TSGA10: variants seen among roughly 807,000 people sequenced by gnomAD.
TSGA10 encodes testis specific 10.
TSGA10 carries 43 observed loss-of-function variants against 96.6 expected under a neutral mutation model. The ratio of observed to expected loss-of-function variants is 0.44; its 90% CI spans 0.35 to 0.57. TSGA10 has a LOEUF of 0.57. TSGA10 is among the 20% of genes least tolerant of loss of function. The pLI is 0.01. For synonymous variants in TSGA10, 229 were observed against 269.9 expected, an observed-to-expected ratio of 0.85 and a Z score of 1.48; for missense variants, 703 against 834.4, an observed-to-expected ratio of 0.84 and a Z score of 1.94.
chr2:99,049,030 A>C (rs1005126607), intron 16 of TSGA10, among the ~76,000 whole-genome samples: 2 of 152,240 alleles, frequency 1.3e-5, no homozygotes, highest in Non-Finnish European at 2.9e-5. Context: ...TCACGATGAG[A>C]TACCCTCTCA....
intron 1 of TSGA10, among the ~76,000 whole-genome samples, chr2:99,129,532 T>C (rs1261753405): frequency 1.3e-5 from 2 of 152,208 alleles, no homozygotes; most frequent in Non-Finnish European, 2.9e-5. Flanking sequence ...TAACCAATCA[T>C]GCTGGAGTTG....
chr2:99,021,687 C>A (rs2080019905), intron 17 of TSGA10, among the ~76,000 whole-genome samples: 1 of 152,174 alleles, frequency 6.6e-6, no homozygotes, highest in Admixed American at 6.5e-5. Flanking sequence ...TCAACGCCAC[C>A]AGCATTCCCC....
At chr2:99,043,809 C>T (rs1322699843) in intron 16 of TSGA10, among the ~76,000 whole-genome samples, 1 of 152,148 alleles carries the variant, frequency 6.6e-6, no homozygotes. Flanking sequence ...AGGAGAACTA[C>T]CTTTCAGAAT....
chr2:99,099,622 G>T (rs2090471549), intron 10 of TSGA10, among the ~76,000 whole-genome samples: 1 of 151,864 alleles, frequency 6.6e-6, no homozygotes, highest in South Asian at 2.1e-4. Flanking sequence ...TAGTATCTGG[G>T]CAAAATAAAA....
At chr2:99,086,720 C>T (rs1394742152) in intron 10 of TSGA10, among the ~76,000 whole-genome samples, 2 of 152,044 alleles carry the variant, frequency 1.3e-5, no homozygotes, top group East Asian at 1.9e-4. Context: ...GAACACTGTA[C>T]CAGAGGTTCT....
At chr2:99,118,261 G>A (rs1187100702) in intron 3 of TSGA10, among the ~76,000 whole-genome samples, 3 of 151,496 alleles carry the variant, frequency 2.0e-5, no homozygotes, top group Admixed American at 2.0e-4. Context: ...GACCAGCCTC[G>A]CCAACATGGT....
intron 1 of TSGA10, among the ~76,000 whole-genome samples, chr2:99,129,837 T>C (rs897776191): frequency 6.6e-6 from 1 of 152,196 alleles, no homozygotes; most frequent in Non-Finnish European, 1.5e-5. Flanking sequence ...CCTCCCTGTG[T>C]CCATGAGTTC....
chr2:99,105,648 T>C lies in TSGA10; in HGVS notation c.260A>G (p.Lys87Arg), dbSNP rs764315465. The C allele has an allele frequency of 1.3e-6, 2 of 1,597,624 alleles. No homozygotes were observed. Among genetic ancestry groups the C allele is most frequent in the East Asian group, 4.5e-5 (2 of 44,336 alleles). The stretch of plus-strand genomic sequence containing the variant: ...ATGTGCCGTTGTTGATTTAGGACTC[T>C]TACAGCTTTTCATCATTTCTCGTCG... ...RLRREMMKSC[K>R]SPKSTTAHAI... Residue 87 changes from lysine (K) to arginine (R), a missense_variant, in exon 8 of 21, where the codon AAG (lysine) becomes AGG (arginine). Around this residue, in one of 3 missense-constraint regions of TSGA10, gnomAD observed 585 missense variants for 656.8 expected, o/e 0.89. Coordinates refer to ENST00000393483, the MANE Select transcript of TSGA10 (RefSeq NM_025244.4).
At chr2:99,024,977 T>C (rs972113723) in intron 17 of TSGA10, among the ~76,000 whole-genome samples, 30 of 152,250 alleles carry the variant, frequency 2.0e-4, no homozygotes, top group African/African-American at 7.0e-4. Context: ...CCAGCATTCA[T>C]GGAATAAACC....
chr2:99,054,237 T>C (rs914771917), intron 16 of TSGA10, among the ~76,000 whole-genome samples: 1 of 152,130 alleles, frequency 6.6e-6, no homozygotes, highest in Non-Finnish European at 1.5e-5. Context: ...TTACAGTCAA[T>C]TGACCTTTGA....
chr2:99,086,916 A>T (rs1423110634), intron 10 of TSGA10, among the ~76,000 whole-genome samples: 1 of 151,812 alleles, frequency 6.6e-6, no homozygotes, highest in African/African-American at 2.4e-5. Context: ...AAAAAAAAAA[A>T]TTTGGGGGCC....
At chr2:99,030,619 C>G (rs1468233736) in intron 17 of TSGA10, among the ~76,000 whole-genome samples, 3 of 152,146 alleles carry the variant, frequency 2.0e-5, no homozygotes, top group African/African-American at 7.2e-5. Context: ...TGCACTCCAG[C>G]CTGGGTGACA....
At chr2:99,068,850 CTAAG>C in intron 15 of TSGA10, 34 bp downstream of exon 15, 1 of 1,045,428 alleles carries the variant, frequency 9.6e-7, no homozygotes, top group East Asian at 2.9e-5. Flanking sequence ...CTAGTGAAAA[CTAAG>C]TATCATGAGC....
chr2:99,127,983 C>T (rs745735798), intron 1 of TSGA10, among the ~76,000 whole-genome samples: 3 of 152,150 alleles, frequency 2.0e-5, no homozygotes, highest in Non-Finnish European at 2.9e-5. Context: ...TTCTGCATCA[C>T]GCTATTTTAC....
intron 16 of TSGA10, among the ~76,000 whole-genome samples, chr2:99,060,962 T>C (rs1465576011): frequency 1.3e-5 from 2 of 152,152 alleles, no homozygotes; most frequent in Non-Finnish European, 2.9e-5. Context: ...AATCTAAAAA[T>C]ATAAAATTCC....
chr2:99,081,940 C>T (rs923929346), intron 10 of TSGA10, among the ~76,000 whole-genome samples: 1 of 152,228 alleles, frequency 6.6e-6, no homozygotes, highest in African/African-American at 2.4e-5. Flanking sequence ...TAAATTTTCC[C>T]TTTTTGTCTC....
At chr2:99,018,496 GA>G in intron 19 of TSGA10, 39 bp downstream of exon 19, 2 of 1,594,994 alleles carry the variant, frequency 1.3e-6, no homozygotes, top group Non-Finnish European at 1.7e-6. Flanking sequence ...TTTCCATGCT[GA>G]AAAGCATTGT....
chr2:99,121,002 G>C (rs184823402), intron 2 of TSGA10, among the ~76,000 whole-genome samples: 1 of 152,272 alleles, frequency 6.6e-6, no homozygotes, highest in East Asian at 1.9e-4. Flanking sequence ...AACCAAATAG[G>C]ATCATTCCTA....
intron 20 of TSGA10, among the ~76,000 whole-genome samples, chr2:99,008,067 T>G (rs891107689): frequency 2.0e-5 from 3 of 152,048 alleles, no homozygotes; most frequent in African/African-American, 7.2e-5. Context: ...TCCAAATGAA[T>G]CAGATATCTA....
Sources: allele counts gnomAD v4.1 joint callset (sites outside exome capture counted in the v4.1 genomes callset), GRCh38; gene constraint gnomAD v4.1.1; regional missense constraint gnomAD v4.1.1; transcripts MANE v1.5; gene names NCBI Gene and HGNC (gene_info 2026-07-23, HGNC 2026-07-21).